The following RBFOX1 variants were observed in gnomAD, a reference collection of about 807,000 sequenced individuals.
RBFOX1 encodes RNA binding protein fox-1 homolog 1.
In RBFOX1, 8 loss-of-function variants were observed where a neutral mutation model predicts 57.7. That is an observed-to-expected ratio of 0.14 (90% CI 0.08 to 0.25). The LOEUF is 0.25. Among genes scored for constraint, RBFOX1 ranks in the 10% least tolerant of loss-of-function variants. RBFOX1 has a pLI of 1.00. For missense variants in RBFOX1, 611 were observed against 548.5 expected (o/e 1.11, Z -1.14); for synonymous variants, 326 against 222.4 (o/e 1.47, Z -4.15).
chr16:7,703,380 C>G (rs118025064), intron 14 of RBFOX1, among the ~76,000 whole-genome samples: 4,251 of 152,206 alleles, frequency 0.028, 83 homozygotes, highest in Non-Finnish European at 0.042. Flanking sequence ...GTCTTTGCTA[C>G]CTTCTGAACT....
chr16:6,628,359 G>C (rs556145661), intron 2 of RBFOX1, among the ~76,000 whole-genome samples: 8 of 152,166 alleles, frequency 5.3e-5, no homozygotes, highest in Non-Finnish European at 8.8e-5. Flanking sequence ...AGCAGGATGT[G>C]ATTTTATGTT....
At chr16:7,343,849 C>G (rs529047914) in intron 4 of RBFOX1, among the ~76,000 whole-genome samples, 2 of 152,202 alleles carry the variant, frequency 1.3e-5, no homozygotes, top group South Asian at 2.1e-4. Flanking sequence ...AGTAGTCACC[C>G]TCTTTGAGTG....
chr16:5,564,953 G>C (rs1009977728), intron 2 of RBFOX1, among the ~76,000 whole-genome samples: 22 of 152,272 alleles, frequency 1.4e-4, no homozygotes, highest in Middle Eastern at 3.4e-3. Context: ...TTCTTACATG[G>C]ATTGGTTTTT....
rs1373353442 is a variant in RBFOX1, at chr16:7,124,562, C to CCTCA, written c.27+72466_27+72467insCACT. 3.2e-5 allele frequency among the ~76,000 whole-genome samples: 4 copies of CCTCA among 123,548 alleles called. No homozygotes were observed. The East Asian group carries it at 1.1e-3, about 35-fold the overall frequency. 81.1% of individuals were successfully genotyped at this position (123,548 alleles called of 152,430 possible). On this transcript the variant is annotated intron_variant, in intron 4 of 15. Transcript: ENST00000550418. Reference sequence around the variant, plus strand: ...CCCTCTCTCCCTCCCTCCCTCCCTCCCTTCCTTCCTTCCTTCCTTCCTGTA... The same window carrying CCTCA: ...CCCTCTCTCCCTCCCTCCCTCCCTCCCTCACTTCCTTCCTTCCTTCCTTCCTGTA...
intron 4 of RBFOX1, among the ~76,000 whole-genome samples, chr16:7,421,619 C>A (rs1467708104): frequency 6.6e-6 from 1 of 152,246 alleles, no homozygotes; most frequent in Admixed American, 6.5e-5. Context: ...CCGAGGCCCC[C>A]AGTTGGCTGC....
intron 3 of RBFOX1, among the ~76,000 whole-genome samples, chr16:5,611,649 T>C (rs927296201): frequency 4.0e-5 from 6 of 151,842 alleles, no homozygotes; most frequent in Non-Finnish European, 8.8e-5. Flanking sequence ...CACTCTCCTA[T>C]CCATCCCTCC....
intron 3 of RBFOX1, among the ~76,000 whole-genome samples, chr16:6,974,599 C>T (rs962950502): frequency 1.3e-5 from 2 of 152,130 alleles, no homozygotes; most frequent in African/African-American, 4.8e-5. Context: ...CCCACCTCGG[C>T]CTCCCAAAGT....
chr16:7,670,252 G>C (rs533643522), intron 13 of RBFOX1, among the ~76,000 whole-genome samples: 4 of 152,096 alleles, frequency 2.6e-5, no homozygotes, highest in Admixed American at 2.6e-4. Flanking sequence ...GGCTGGTCTC[G>C]AACTTCCGAC....
At chr16:6,479,777 C>G (rs1004787353) in intron 2 of RBFOX1, among the ~76,000 whole-genome samples, 2 of 151,378 alleles carry the variant, frequency 1.3e-5, no homozygotes, top group Non-Finnish European at 2.9e-5. Flanking sequence ...AGGCCAGGCA[C>G]GGTGGCTCAT....
At chr16:5,285,192 G>T (rs1398551094) in intron 1 of RBFOX1, among the ~76,000 whole-genome samples, 1 of 152,032 alleles carries the variant, frequency 6.6e-6, no homozygotes, top group Non-Finnish European at 1.5e-5. Context: ...TAAAAGACTA[G>T]TCTTCAACTT....
chr16:7,530,654 G>A (rs374166401), intron 5 of RBFOX1, among the ~76,000 whole-genome samples: 1 of 152,238 alleles, frequency 6.6e-6, no homozygotes, highest in Non-Finnish European at 1.5e-5. Flanking sequence ...TAACCAGGGG[G>A]TCTGGGTTTC....
intron 4 of RBFOX1, among the ~76,000 whole-genome samples, chr16:7,271,712 TG>T (rs1342411079): frequency 1.3e-5 from 2 of 152,186 alleles, no homozygotes; most frequent in East Asian, 3.9e-4. Context: ...AAATATTTCA[TG>T]GGGGTCAGCA....
intron 1 of RBFOX1, among the ~76,000 whole-genome samples, chr16:6,302,839 A>G (rs1329784293): frequency 1.3e-5 from 2 of 152,360 alleles, no homozygotes; most frequent in East Asian, 3.9e-4. Context: ...TTAGAAAAAT[A>G]TATTTTTAAG....
chr16:7,643,562 A>G (rs2063207197), intron 11 of RBFOX1, among the ~76,000 whole-genome samples: 1 of 152,232 alleles, frequency 6.6e-6, no homozygotes, highest in South Asian at 2.1e-4. Flanking sequence ...TCATTGTGAC[A>G]GTAATCAGGT....
At chr16:6,833,719 A>G (rs969610154) in intron 3 of RBFOX1, among the ~76,000 whole-genome samples, 1 of 152,188 alleles carries the variant, frequency 6.6e-6, no homozygotes, top group Non-Finnish European at 1.5e-5. Context: ...AAGACTCTAG[A>G]TGCTATGGAA....
intron 2 of RBFOX1, among the ~76,000 whole-genome samples, chr16:6,570,771 G>C (rs568060628): frequency 6.6e-6 from 1 of 151,996 alleles, no homozygotes; most frequent in Admixed American, 6.6e-5. Context: ...GTTTAAGTGT[G>C]GAAATAGCTA....
intron 1 of RBFOX1, among the ~76,000 whole-genome samples, chr16:5,461,565 T>C (rs977205387): frequency 1.3e-5 from 2 of 152,220 alleles, no homozygotes; most frequent in Non-Finnish European, 2.9e-5. Context: ...CATTTTCAGC[T>C]GAGGAAAAAG....
At chr16:6,251,385 G>A (rs993507089) in intron 1 of RBFOX1, among the ~76,000 whole-genome samples, 1 of 152,118 alleles carries the variant, frequency 6.6e-6, no homozygotes, top group African/African-American at 2.4e-5. Flanking sequence ...TAAGTCACCT[G>A]CCCAAAGTCA....
rs891038965 is a variant in RBFOX1 at position 5,870,387 on chromosome 16, AAAAAATG to A, written c.351+3055_351+3061del. Among the ~76,000 whole-genome samples the A allele has an allele frequency of 2.0e-5, 3 of 150,418 alleles. No individual in the cohort carries two copies. In the South Asian group the frequency reaches 6.2e-4, roughly 31 times the overall value. Reference sequence around the variant, plus strand: ...AATTTGTATGGCAAAAAAAAAAAAAAAAAAATGAAGGCACTTGGCAAGAAAAAAGAGA... The same window carrying A: ...AATTTGTATGGCAAAAAAAAAAAAAAAAGGCACTTGGCAAGAAAAAAGAGA... On this transcript the variant is annotated intron_variant, in intron 4 of 19. Transcript: ENST00000641259.
Sources: gnomAD v4.1 joint callset for allele counts (sites outside exome capture counted in the v4.1 genomes callset) on GRCh38, gnomAD v4.1.1 for gene constraint, MANE v1.5 for transcripts, NCBI Gene and HGNC (gene_info 2026-07-23, HGNC 2026-07-21) for gene names.